The following RHBDD1 variants were observed in gnomAD, a reference collection of about 807,000 sequenced individuals.
RHBDD1 encodes rhomboid domain containing 1.
Under a neutral mutation model 36.3 loss-of-function variants are expected in RHBDD1, and 38 were observed. The ratio of observed to expected loss-of-function variants is 1.05; its 90% confidence interval spans 0.81 to 1.37. The LOEUF is 1.37. RHBDD1 is among the 40% of genes most tolerant of loss of function. The pLI is 0.00. For missense variants in RHBDD1, 393 were observed against 377.6 expected, an observed-to-expected ratio of 1.04 and a Z score of -0.34; for synonymous variants, 151 against 136.5, an observed-to-expected ratio of 1.11 and a Z score of -0.74.
chr2:226,956,628 G>T (rs1344953174), intron 8 of RHBDD1, among the ~76,000 whole-genome samples: 1 of 152,138 alleles, frequency 6.6e-6, no homozygotes, highest in Non-Finnish European at 1.5e-5. Flanking sequence ...GAAATGACTT[G>T]GGGCCCAGAA....
chr2:226,890,429 C>T (rs759456279), intron 5 of RHBDD1, among the ~76,000 whole-genome samples: 8 of 152,182 alleles, frequency 5.3e-5, no homozygotes, highest in Non-Finnish European at 1.0e-4. Flanking sequence ...CAGTGATGAA[C>T]ATCTGCATTA....
intron 5 of RHBDD1, among the ~76,000 whole-genome samples, chr2:226,899,334 C>G (rs568582021): frequency 6.6e-6 from 1 of 152,290 alleles, no homozygotes; most frequent in Admixed American, 6.5e-5. Flanking sequence ...CTATCACTAT[C>G]CCATATAAAT....
At chr2:226,879,876 G>T (rs1445747509) in intron 5 of RHBDD1, among the ~76,000 whole-genome samples, 1 of 152,184 alleles carries the variant, frequency 6.6e-6, no homozygotes, top group East Asian at 1.9e-4. Flanking sequence ...TCAGAGTTGG[G>T]TTGGTGTCTG....
chr2:226,986,233 G>A (rs1235676639), intron 8 of RHBDD1, among the ~76,000 whole-genome samples: 2 of 152,206 alleles, frequency 1.3e-5, no homozygotes, highest in African/African-American at 2.4e-5. Context: ...AGACTAAGGA[G>A]ACTTGGTAAC....
chr2:226,829,470 T>C, the RHBDD1 span, among the ~76,000 whole-genome samples: 2 of 152,208 alleles, frequency 1.3e-5, no homozygotes, highest in Non-Finnish European at 2.9e-5. Flanking sequence ...GGAGTGTCAT[T>C]TGAACAATAT....
At chr2:226,916,188 A>T (rs1189780261) in intron 8 of RHBDD1, among the ~76,000 whole-genome samples, 1 of 152,226 alleles carries the variant, frequency 6.6e-6, no homozygotes, top group East Asian at 1.9e-4. Context: ...ACCAGCTCAG[A>T]TTCATGGGAT....
chr2:226,821,774 ATTC>A, the RHBDD1 span, among the ~76,000 whole-genome samples: 6 of 152,180 alleles, frequency 3.9e-5, no homozygotes, highest in South Asian at 8.3e-4. Flanking sequence ...AATTATGGTG[ATTC>A]TTATTTGTAT....
intron 8 of RHBDD1, among the ~76,000 whole-genome samples, chr2:226,942,096 A>G (rs540848797): frequency 2.0e-5 from 3 of 152,166 alleles, no homozygotes; most frequent in Admixed American, 1.3e-4. Flanking sequence ...GAAAAAGTAT[A>G]TCTAGGCTGC....
intron 8 of RHBDD1, among the ~76,000 whole-genome samples, chr2:226,989,616 T>G (rs1438150723): frequency 6.6e-6 from 1 of 152,182 alleles, no homozygotes; most frequent in African/African-American, 2.4e-5. Flanking sequence ...TTTCTTTTTT[T>G]GGGAGGTGGG....
intron 8 of RHBDD1, among the ~76,000 whole-genome samples, chr2:226,943,527 T>C (rs975222447): frequency 6.6e-6 from 1 of 152,160 alleles, no homozygotes; most frequent in Non-Finnish European, 1.5e-5. Context: ...TAAAATAAAA[T>C]GTAGCCCATG....
intron 5 of RHBDD1, among the ~76,000 whole-genome samples, chr2:226,873,856 G>A (rs1559219062): frequency 6.6e-6 from 1 of 152,146 alleles, no homozygotes; most frequent in African/African-American, 2.4e-5. Flanking sequence ...TAAGGTGTGG[G>A]TGGGTCTGTT....
intron 5 of RHBDD1, among the ~76,000 whole-genome samples, chr2:226,898,256 G>A (rs879465450): frequency 3.3e-5 from 5 of 152,210 alleles, no homozygotes; most frequent in African/African-American, 7.2e-5. Flanking sequence ...ATTAGCAGGC[G>A]TAGGGACATG....
In RHBDD1 at chr2:226,996,592, C is replaced by T. The variant is rs140368905; in HGVS notation, c.*1070C>T. On this transcript the variant is annotated 3_prime_UTR_variant, in exon 9 of 9. Transcript: ENST00000392062. ...AAAGAGAGAAGCAGGAAAAGATCTT[C>T]CTTTTTTGATCTACAACTTATATAG... 130 of 152,248 alleles carry T rather than the reference C, an allele frequency of 8.5e-4. No homozygotes were observed. Among genetic ancestry groups the T allele is most frequent in the African/African-American group, 3.0e-3 (126 of 41,550 alleles). 9.4% of individuals were successfully genotyped at this position (152,248 alleles called of 1,614,324 possible).
At chr2:226,987,826 G>T (rs1404789253) in intron 8 of RHBDD1, among the ~76,000 whole-genome samples, 1 of 152,216 alleles carries the variant, frequency 6.6e-6, no homozygotes, top group Non-Finnish European at 1.5e-5. Context: ...AAGTTCCTGG[G>T]CTCCAACCAC....
chr2:226,852,995 C>G (rs1294467488), intron 3 of RHBDD1, among the ~76,000 whole-genome samples: 2 of 150,268 alleles, frequency 1.3e-5, no homozygotes, highest in African/African-American at 4.9e-5. Flanking sequence ...TCTTGAATTC[C>G]TGGCCTCAAG....
chr2:226,920,044 ATTAAG>A (rs948868875), intron 8 of RHBDD1, among the ~76,000 whole-genome samples: 1 of 151,806 alleles, frequency 6.6e-6, no homozygotes, highest in Non-Finnish European at 1.5e-5. Flanking sequence ...GACTTCTTTG[ATTAAG>A]TTAATTCCTA....
chr2:226,974,856 C>T (rs1416196452), intron 8 of RHBDD1, among the ~76,000 whole-genome samples: 2 of 152,150 alleles, frequency 1.3e-5, no homozygotes, highest in South Asian at 2.1e-4. Flanking sequence ...TCAGGTACCT[C>T]GCCAGTGCGT....
chr2:226,838,603 T>C (rs1353428584), intron 2 of RHBDD1, among the ~76,000 whole-genome samples: 1 of 152,178 alleles, frequency 6.6e-6, no homozygotes, highest in Non-Finnish European at 1.5e-5. Context: ...TCAGTAAATG[T>C]TGTGTGTCGG....
intron 5 of RHBDD1, among the ~76,000 whole-genome samples, chr2:226,877,976 T>TA (rs143301264): frequency 1.7e-4 from 26 of 151,888 alleles, no homozygotes; most frequent in East Asian, 3.9e-4. Flanking sequence ...TGGTTTTTCT[T>TA]AAAAAAAAGG....
Sources: allele counts gnomAD v4.1 joint callset (sites outside exome capture counted in the v4.1 genomes callset), GRCh38; gene constraint gnomAD v4.1.1; transcripts MANE v1.5; gene names NCBI Gene and HGNC (gene_info 2026-07-23, HGNC 2026-07-21).